Variants in HOOK3 observed in about 807,000 individuals in gnomAD.
HOOK3 encodes protein Hook homolog 3.
Under a neutral mutation model 116.3 loss-of-function variants are expected in HOOK3, and 24 were observed. The observed-to-expected ratio is 0.21, with a 90% CI of 0.15 to 0.29. The LOEUF (loss-of-function observed/expected upper bound fraction) is 0.29. HOOK3 is among the 10% of genes least tolerant of loss of function. The pLI, the probability that HOOK3 is intolerant of heterozygous loss-of-function variation, is 1.00. For missense variants in HOOK3, 632 were observed against 830.2 expected (o/e 0.76, Z 2.93); for synonymous variants, 275 against 283.0 (o/e 0.97, Z 0.28).
chr8:42,959,807 ATTAT>A (rs1226357792), intron 8 of HOOK3, among the ~76,000 whole-genome samples: 1 of 151,758 alleles, frequency 6.6e-6, no homozygotes, highest in African/African-American at 2.4e-5. Flanking sequence ...CAAAAATAAG[ATTAT>A]TTGTCTGGAA....
At chr8:43,007,016 AT>A (rs58609523) in intron 17 of HOOK3, among the ~76,000 whole-genome samples, 287 of 103,268 alleles carry the variant, frequency 2.8e-3, no homozygotes, top group Middle Eastern at 5.1e-3. Flanking sequence ...AAGTTCCTAG[AT>A]TTTTTTTTTT....
At chr8:42,975,893 G>C (rs1006308608) in intron 13 of HOOK3, among the ~76,000 whole-genome samples, 1 of 152,066 alleles carries the variant, frequency 6.6e-6, no homozygotes. Context: ...TTTTAGTAGA[G>C]ACAGGGTTTC....
At chr8:42,940,205 T>C (rs2130380597) in intron 4 of HOOK3, among the ~76,000 whole-genome samples, 1 of 152,194 alleles carries the variant, frequency 6.6e-6, no homozygotes, top group Non-Finnish European at 1.5e-5. Flanking sequence ...TGGCACTGAG[T>C]GAACGAGACT....
chr8:43,009,663 A>G (rs1299457472), intron 18 of HOOK3, among the ~76,000 whole-genome samples: 3 of 152,162 alleles, frequency 2.0e-5, no homozygotes, highest in African/African-American at 7.2e-5. Flanking sequence ...TATTTTTATT[A>G]TGGTAAAATA....
chr8:42,941,310 T>C (rs548683179), intron 4 of HOOK3, among the ~76,000 whole-genome samples: 79 of 149,584 alleles, frequency 5.3e-4, no homozygotes, highest in African/African-American at 1.9e-3. Flanking sequence ...GGTCAGGAGA[T>C]CTAGACCATC....
At chr8:42,961,614 T>G (rs1195894469) in intron 8 of HOOK3, among the ~76,000 whole-genome samples, 1 of 152,198 alleles carries the variant, frequency 6.6e-6, no homozygotes, top group Non-Finnish European at 1.5e-5. Context: ...TGTCTAAGGT[T>G]GATAAGTCAA....
chr8:42,951,409 G>C (rs909552613), intron 6 of HOOK3, among the ~76,000 whole-genome samples: 30 of 152,060 alleles, frequency 2.0e-4, no homozygotes, highest in African/African-American at 7.2e-4. Context: ...CTTAACTGGT[G>C]GTTTCCTGTT....
intron 8 of HOOK3, among the ~76,000 whole-genome samples, chr8:42,960,004 C>A (rs1808507738): frequency 6.6e-6 from 1 of 152,074 alleles, no homozygotes; most frequent in Non-Finnish European, 1.5e-5. Flanking sequence ...GTAATCACAT[C>A]ACACTTGTTG....
At chr8:42,997,661 A>G in intron 16 of HOOK3, 24 bp downstream of exon 16, 2 of 1,198,278 alleles carry the variant, frequency 1.7e-6, no homozygotes, top group Admixed American at 1.7e-5. Flanking sequence ...TGTACCAACG[A>G]TGGTCCATCA....
rs1806994070 is a variant in HOOK3 at position 42,897,036 on chromosome 8, T to TGAGGCCGAGTCAGCTGCGCGGGCCC, written c.-95_-71dup. On this transcript the variant is annotated 5_prime_UTR_variant, in exon 1 of 22. Transcript: ENST00000307602. ...GCCGGATCCGAGGAGCAGGCGGGCC[T>TGAGGCCGAGTCAGCTGCGCGGGCCC]GAGGCCGAGTCAGCTGCGCGGGCCC... The TGAGGCCGAGTCAGCTGCGCGGGCCC allele has an allele frequency of 7.2e-6, 7 of 976,856 alleles. No homozygotes were observed. The highest frequency in any genetic ancestry group is 6.6e-6 in the Non-Finnish European group (5 of 753,098). 60.5% of individuals were successfully genotyped at this position (976,856 alleles called of 1,614,324 possible).
In HOOK3 at chr8:42,953,842, CAG is replaced by C. The variant is rs572596879; in HGVS notation, c.469-3247_469-3246del. ...ATTGTCTTCATTTTATAAAAAGAAA[CAG>C]AGAGTTTGAGTAACTTGCTCAGGTT... On this transcript the variant is annotated intron_variant, in intron 6 of 21. Transcript: ENST00000307602. 7.2e-5 allele frequency among the ~76,000 whole-genome samples: 11 copies of C among 152,194 alleles called. No individual in the cohort carries two copies. The South Asian group carries it at 8.3e-4, about 11-fold the overall frequency.
chr8:43,013,250 C>A, intron 20 of HOOK3, 79 bp from the exon 21 acceptor site: 1 of 1,386,298 alleles, frequency 7.2e-7, no homozygotes, highest in South Asian at 1.4e-5. Context: ...TGAGTTTTAA[C>A]AATTAATTGT....
chr8:42,972,166 T>C (rs1036508844), intron 11 of HOOK3, among the ~76,000 whole-genome samples: 2 of 152,232 alleles, frequency 1.3e-5, no homozygotes, highest in Non-Finnish European at 2.9e-5. Flanking sequence ...TTTGTAATTT[T>C]GGATTTTGCT....
chr8:42,969,306 C>A (rs932233650), intron 11 of HOOK3, among the ~76,000 whole-genome samples: 3 of 152,196 alleles, frequency 2.0e-5, no homozygotes, highest in Admixed American at 2.0e-4. Flanking sequence ...TGCTTCACAT[C>A]ATCACCAGCA....
rs756752991 is a variant in HOOK3, at chr8:43,007,833, C to T, written c.1656-14C>T. The T allele has an allele frequency of 2.0e-6, 3 of 1,536,014 alleles. No homozygotes were observed. The South Asian group carries it at 3.7e-5, about 19-fold the overall frequency. On this transcript the variant is annotated splice_polypyrimidine_tract_variant and intron_variant, in intron 17 of 21. Coordinates refer to ENST00000307602, the MANE Select transcript of HOOK3 (RefSeq NM_032410.4). ...CAGAAGCAGTAGTAGGTGATGTTTA[C>T]CTGTTTGTTACAGAGAGAAGCTGCA...
chr8:42,906,329 A>T (rs961891584), intron 2 of HOOK3, 71 bp downstream of exon 2: 9 of 1,104,918 alleles, frequency 8.1e-6, no homozygotes, highest in African/African-American at 4.7e-5. Context: ...AACATGGATT[A>T]AAAAAGTACT....
chr8:42,941,215 G>A (rs1808113251), intron 4 of HOOK3, among the ~76,000 whole-genome samples: 1 of 150,184 alleles, frequency 6.7e-6, no homozygotes, highest in Non-Finnish European at 1.5e-5. Context: ...CCGAAGTGCT[G>A]GGATTAAAGG....
At chr8:42,934,922 G>C (rs1177552076) in intron 4 of HOOK3, among the ~76,000 whole-genome samples, 2 of 152,152 alleles carry the variant, frequency 1.3e-5, no homozygotes, top group Non-Finnish European at 2.9e-5. Flanking sequence ...TGGGATTGCT[G>C]GGTCAAATAG....
chr8:42,912,717 T>G (rs944257134), intron 2 of HOOK3, among the ~76,000 whole-genome samples: 3 of 152,074 alleles, frequency 2.0e-5, no homozygotes, highest in Non-Finnish European at 4.4e-5. Context: ...CCCACCACAA[T>G]GGTATATTTG....
Sources: allele counts gnomAD v4.1 joint callset (sites outside exome capture counted in the v4.1 genomes callset), GRCh38; gene constraint gnomAD v4.1.1; transcripts MANE v1.5; gene names NCBI Gene and HGNC (gene_info 2026-07-23, HGNC 2026-07-21).